Variants in ATG10 observed in about 807,000 individuals in gnomAD.
ATG10 encodes ubiquitin-like-conjugating enzyme ATG10.
Under a neutral mutation model 32.1 loss-of-function variants are expected in ATG10, and 30 were observed. That is an observed-to-expected ratio of 0.94 (90% CI 0.70 to 1.27). The LOEUF is 1.27. Ranked by LOEUF, ATG10 falls within the 50% of genes most tolerant of loss-of-function variation. ATG10 has a pLI of 0.00. For synonymous variants in ATG10, 87 were observed against 91.5 expected (o/e 0.95, Z 0.28); for missense variants, 233 against 262.3 (o/e 0.89, Z 0.77).
chr5:82,143,632 A>G (rs1767234881), intron 3 of ATG10, among the ~76,000 whole-genome samples: 1 of 152,266 alleles, frequency 6.6e-6, no homozygotes, highest in African/African-American at 2.4e-5. Context: ...GAGAGGCATT[A>G]TAATACATTT....
rs192285619 is a variant in ATG10, at chr5:82,042,908, C to G, written c.109-15587C>G. ...CCCGGCTGGTTTTGAGTGCCTACAG[C>G]TTTTCCAGGTGCATGGTGCAAGCTC... On this transcript the variant is annotated intron_variant, in intron 2 of 7. Transcript: ENST00000282185. Among the ~76,000 whole-genome samples, 649 of 152,216 alleles carry G rather than the reference C, an allele frequency of 4.3e-3. 6 individuals are homozygous for G. Among genetic ancestry groups the G allele is most frequent in the Admixed American group, 4.8e-3 (73 of 15,292 alleles).
chr5:82,191,154 C>T (rs1744647588), intron 5 of ATG10, among the ~76,000 whole-genome samples: 1 of 152,152 alleles, frequency 6.6e-6, no homozygotes, highest in Non-Finnish European at 1.5e-5. Flanking sequence ...TGATGTCAAC[C>T]AGTCTTTTGA....
intron 4 of ATG10, among the ~76,000 whole-genome samples, chr5:82,177,977 G>A (rs907136809): frequency 6.6e-6 from 1 of 152,070 alleles, no homozygotes; most frequent in African/African-American, 2.4e-5. Flanking sequence ...TAGATGTTAG[G>A]CTCCTTGTTA....
At chr5:82,105,586 T>A (rs1206480491) in intron 3 of ATG10, among the ~76,000 whole-genome samples, 1 of 152,112 alleles carries the variant, frequency 6.6e-6, no homozygotes, top group African/African-American at 2.4e-5. Context: ...ACAGCTCTGC[T>A]CAAAAACAGA....
At chr5:82,141,452 T>C (rs1767132844) in intron 3 of ATG10, among the ~76,000 whole-genome samples, 1 of 152,162 alleles carries the variant, frequency 6.6e-6, no homozygotes, top group Non-Finnish European at 1.5e-5. Context: ...GTGCAGAAAA[T>C]GTGTTTCCTG....
At chr5:82,141,502 G>A (rs1767136200) in intron 3 of ATG10, among the ~76,000 whole-genome samples, 3 of 151,974 alleles carry the variant, frequency 2.0e-5, no homozygotes, top group Admixed American at 2.0e-4. Context: ...ATCCTAGTTT[G>A]GAGAGGGTAT....
chr5:82,212,593 A>G (rs1240281330), intron 5 of ATG10, among the ~76,000 whole-genome samples: 2 of 152,242 alleles, frequency 1.3e-5, no homozygotes, highest in African/African-American at 4.8e-5. Context: ...AACCTACCAT[A>G]TTGGCAAAGA....
chr5:81,982,223 C>T (rs1396952774), intron 1 of ATG10, among the ~76,000 whole-genome samples: 5 of 152,062 alleles, frequency 3.3e-5, no homozygotes, highest in African/African-American at 7.2e-5. Flanking sequence ...TTTGGGAGGC[C>T]GAGGTGGGGT....
At chr5:82,174,514 A>C (rs1486523203) in intron 4 of ATG10, among the ~76,000 whole-genome samples, 1 of 152,222 alleles carries the variant, frequency 6.6e-6, no homozygotes, top group Admixed American at 6.5e-5. Context: ...GTTTGGCGAC[A>C]ACAAAATCAT....
intron 4 of ATG10, among the ~76,000 whole-genome samples, chr5:82,167,933 T>C (rs1385143454): frequency 6.6e-6 from 1 of 152,336 alleles, no homozygotes; most frequent in East Asian, 1.9e-4. Context: ...ACACAGTTAA[T>C]ACCCTTTGTC....
At chr5:82,009,525 T>C in intron 2 of ATG10, 3 of 1,286,250 alleles carry the variant, frequency 2.3e-6, no homozygotes, top group Non-Finnish European at 3.3e-6. Flanking sequence ...TGCGAGCAAA[T>C]GGGATGGAGG....
intron 5 of ATG10, among the ~76,000 whole-genome samples, chr5:82,206,756 G>A (rs1219357528): frequency 4.6e-5 from 7 of 151,926 alleles, no homozygotes; most frequent in Admixed American, 4.6e-4. Flanking sequence ...TCAAGAAACA[G>A]AACATTTGTA....
intron 3 of ATG10, among the ~76,000 whole-genome samples, chr5:82,071,396 C>G (rs1764128585): frequency 1.3e-5 from 2 of 152,132 alleles, no homozygotes; most frequent in South Asian, 4.2e-4. Flanking sequence ...CCTCTGTCTA[C>G]CTTATGAACC....
chr5:82,236,225 G>T lies in ATG10; in HGVS notation c.454-16337G>T, dbSNP rs1746545946. On this transcript the variant is annotated intron_variant, in intron 5 of 7. Coordinates refer to ENST00000282185, the MANE Select transcript of ATG10 (RefSeq NM_031482.5). ...GTTTAATTAATAGACATTTACATAA[G>T]CTCCTGATTTTCCCCCAGCAAGCTT... Among the ~76,000 whole-genome samples the T allele has an allele frequency of 1.3e-5, 2 of 151,920 alleles. 1 individual carries two copies. The highest frequency in any genetic ancestry group is 4.8e-5 in the African/African-American group (2 of 41,356).
chr5:82,053,108 A>G (rs1763480085), intron 2 of ATG10, among the ~76,000 whole-genome samples: 1 of 152,206 alleles, frequency 6.6e-6, no homozygotes, highest in South Asian at 2.1e-4. Context: ...CCAGCAATGT[A>G]TGAGAGTGCC....
chr5:82,133,621 C>T (rs144965047), intron 3 of ATG10, among the ~76,000 whole-genome samples: 18 of 152,022 alleles, frequency 1.2e-4, no homozygotes, highest in African/African-American at 2.9e-4. Flanking sequence ...TTGTAGTTAC[C>T]GTAGCCTTGT....
At chr5:82,145,494 A>G (rs1195762721) in intron 3 of ATG10, among the ~76,000 whole-genome samples, 2 of 152,082 alleles carry the variant, frequency 1.3e-5, no homozygotes, top group Non-Finnish European at 2.9e-5. Flanking sequence ...TATATACTTT[A>G]TATGAAATGT....
intron 5 of ATG10, among the ~76,000 whole-genome samples, chr5:82,188,943 G>C (rs536423732): frequency 2.7e-4 from 41 of 152,118 alleles, no homozygotes; most frequent in African/African-American, 9.6e-4. Flanking sequence ...TCCCATGTCA[G>C]CTGCAAAATT....
chr5:82,183,205 A>C (rs1466687801), intron 5 of ATG10, among the ~76,000 whole-genome samples: 1 of 152,148 alleles, frequency 6.6e-6, no homozygotes, highest in Non-Finnish European at 1.5e-5. Flanking sequence ...TTAATGTTTA[A>C]ATTTCCCAAG....
Sources: gnomAD v4.1 joint callset for allele counts (sites outside exome capture counted in the v4.1 genomes callset) on GRCh38, gnomAD v4.1.1 for gene constraint, MANE v1.5 for transcripts, NCBI Gene and HGNC (gene_info 2026-07-23, HGNC 2026-07-21) for gene names.